KIF5B: variants seen among roughly 807,000 people sequenced by gnomAD.
The protein encoded by KIF5B is kinesin-1 heavy chain.
A neutral mutation model predicts 132.8 loss-of-function variants in KIF5B; 49 were observed. That is an observed-to-expected ratio of 0.37 (90% CI 0.29 to 0.47). The LOEUF (loss-of-function observed/expected upper bound fraction) is 0.47. KIF5B is among the 20% of genes least tolerant of loss of function. KIF5B has a pLI of 1.00. For synonymous variants in KIF5B, 355 were observed against 369.4 expected (o/e 0.96, Z 0.45); for missense variants, 780 against 1,144.0 (o/e 0.68, Z 4.59).
chr10:32,018,630 GAATAA>G (rs1841213063), intron 20 of KIF5B, 68 bp from the exon 21 acceptor site: 12 of 1,160,786 alleles, frequency 1.0e-5, no homozygotes, highest in Admixed American at 2.2e-5. Flanking sequence ...CATGAGAGTT[GAATAA>G]AATATTTTGT....
intron 25 of KIF5B, among the ~76,000 whole-genome samples, chr10:32,014,422 G>A (rs1392119922): frequency 6.6e-6 from 1 of 151,886 alleles, no homozygotes; most frequent in African/African-American, 2.4e-5. Flanking sequence ...GGGGTTTGTG[G>A]GGGCAGGGGG....
At position 32,011,044 on chromosome 10, in the gene KIF5B, TG is replaced by T. The variant is rs1245685061; in HGVS notation, c.*492del. On this transcript the variant is annotated 3_prime_UTR_variant, in exon 26 of 26. Transcript: ENST00000302418. ...TTTATGGGCATGTAGTGTTGTTAAG[TG>T]GTAAAATTTAAAGACATTTAACCTA... is the stretch of plus-strand genomic sequence containing the variant. The T allele has an allele frequency of 2.0e-5, 3 of 152,232 alleles. No homozygotes were observed. The highest frequency in any genetic ancestry group is 3.9e-4 in the East Asian group (2 of 5,190). 9.4% of individuals were successfully genotyped at this position (152,232 alleles called of 1,614,324 possible).
intron 17 of KIF5B, among the ~76,000 whole-genome samples, chr10:32,021,928 T>A (rs193175422): frequency 1.6e-3 from 241 of 152,196 alleles, no homozygotes; most frequent in African/African-American, 5.6e-3. Context: ...GTCAAGATAG[T>A]GCCACTGCAC....
intron 23 of KIF5B, 75 bp from the exon 24 acceptor site, chr10:32,017,434 G>T: frequency 1.7e-6 from 2 of 1,158,860 alleles, no homozygotes; most frequent in Non-Finnish European, 2.5e-6. Flanking sequence ...TTTCATAATT[G>T]CTCTTTAGAA....
At chr10:32,013,915 A>G (rs76670295) in intron 25 of KIF5B, among the ~76,000 whole-genome samples, 1,987 of 152,330 alleles carry the variant, frequency 0.013, 41 homozygotes, top group African/African-American at 0.046. Flanking sequence ...AAAACGTTTA[A>G]AATTGCTAGA....
At chr10:32,025,620 C>T (rs547436377) in intron 15 of KIF5B, among the ~76,000 whole-genome samples, 60 of 143,342 alleles carry the variant, frequency 4.2e-4, no homozygotes, top group African/African-American at 1.4e-3. Flanking sequence ...AAGTGATCTG[C>T]CCGCCTCGGC....
At chr10:32,054,294 G>A (rs1300628520) in intron 1 of KIF5B, among the ~76,000 whole-genome samples, 1 of 152,192 alleles carries the variant, frequency 6.6e-6, no homozygotes, top group Admixed American at 6.5e-5. Flanking sequence ...AAAGGAAAAG[G>A]ATTACTGGGC....
Position 32,022,903 on chromosome 10 carries a change from T to G in KIF5B, c.1859A>C (p.Lys620Thr). Residue 620 changes from lysine to threonine, a missense_variant, in exon 16 of 26, where the codon AAA (lysine) becomes ACA (threonine). Around this residue, in one of 9 missense-constraint regions of KIF5B, gnomAD observed 471 missense variants for 569.9 expected, o/e 0.83. Transcript: ENST00000302418. ...CTCCTTTTCATTTTCTTCCATTTTT[T>G]TGTTGCTCTCAGTTTGTGTGCTTTC... The part of the protein sequence containing the change: ...QLESTQTESN[K>T]KMEENEKELA... 3.1e-6 allele frequency: 5 copies of G among 1,613,630 alleles called. No individual in the cohort carries two copies. The highest frequency in any genetic ancestry group is 4.2e-6 in the Non-Finnish European group (5 of 1,179,682).
chr10:32,053,564 A>C (rs1440254587), intron 1 of KIF5B, among the ~76,000 whole-genome samples: 3 of 152,022 alleles, frequency 2.0e-5, no homozygotes, highest in African/African-American at 7.2e-5. Flanking sequence ...TCTCTACTAA[A>C]AATACAAAAA....
chr10:32,028,576 G>C lies in KIF5B; in HGVS notation c.1582-5C>G, dbSNP rs750042199. ...ATCTATACTCGCTAAAGTTGCCTAA[G>C]AGAACCCAAAACAAAAAGTATAGTT... is the stretch of plus-strand genomic sequence containing the variant. On this transcript the variant is annotated splice_polypyrimidine_tract_variant and splice_region_variant and intron_variant, in intron 14 of 25. Transcript: ENST00000302418. The C allele has an allele frequency of 6.2e-7, 1 of 1,603,980 alleles. No individual in the cohort carries two copies. The highest frequency in any genetic ancestry group is 1.7e-5 in the Admixed American group (1 of 57,536).
chr10:32,019,799 GC>G lies in KIF5B; in HGVS notation c.2306+58del, dbSNP rs1319686810. On this transcript the variant is annotated intron_variant, in intron 20 of 25. Transcript: ENST00000302418. Reference sequence around the variant, plus strand: ...TCCACTGGCTATATCCAAAGGTAATGCCTATAATCCTCTAATTTAGCTTTTA... The same window carrying G: ...TCCACTGGCTATATCCAAAGGTAATGCTATAATCCTCTAATTTAGCTTTTA... 3 of 1,159,124 alleles carry G rather than the reference GC, an allele frequency of 2.6e-6. No individual in the cohort carries two copies. The African/African-American group carries it at 4.6e-5, about 18-fold the overall frequency. 71.8% of individuals were successfully genotyped at this position (1,159,124 alleles called of 1,614,324 possible). A position where few individuals can be genotyped will look rare whatever the true frequency, so the allele number is the denominator to read the frequency against.
intron 3 of KIF5B, 145 bp downstream of exon 3, chr10:32,040,239 A>G: frequency 1.5e-6 from 1 of 653,444 alleles, no homozygotes; most frequent in Non-Finnish European, 2.7e-6. Flanking sequence ...TTAGATTCCA[A>G]CAATGATGTT....
chr10:32,055,860 C>T lies in KIF5B; in HGVS notation c.114G>A (p.Thr38=). 1 of 1,612,694 alleles carries T rather than the reference C, an allele frequency of 6.2e-7. No individual in the cohort carries two copies. Among genetic ancestry groups the T allele is most frequent in the Non-Finnish European group, 8.5e-7 (1 of 1,179,804 alleles). Residue 38 remains threonine (T), a synonymous_variant, in exon 1 of 26, where the codon ACG becomes ACA. Coordinates refer to ENST00000302418, the MANE Select transcript of KIF5B (RefSeq NM_004521.3). ...KYIAKFQGED[T]VVIASKPYAF... ...GGGGGTCACTCACCGCGATCACGAC[C>T]GTGTCTTCTCCCTGAAACTTGGCGA...
intron 17 of KIF5B, among the ~76,000 whole-genome samples, chr10:32,021,867 G>A (rs1841268409): frequency 1.3e-5 from 2 of 152,082 alleles, no homozygotes; most frequent in South Asian, 4.1e-4. Flanking sequence ...AGCTACTAGG[G>A]AGGCTGCAGC....
At chr10:32,053,381 G>A (rs527456872) in intron 1 of KIF5B, among the ~76,000 whole-genome samples, 1 of 151,118 alleles carries the variant, frequency 6.6e-6, no homozygotes, top group Admixed American at 6.6e-5. Flanking sequence ...CATTTTTTAA[G>A]GCTATGTTAT....
intron 2 of KIF5B, among the ~76,000 whole-genome samples, chr10:32,045,964 C>T (rs1054349101): frequency 1.3e-5 from 2 of 152,120 alleles, no homozygotes; most frequent in African/African-American, 2.4e-5. Context: ...CCATTAAGCA[C>T]TTTATAAATG....
chr10:32,022,806 G>A (rs912096239), intron 16 of KIF5B, 42 bp downstream of exon 16: 1 of 1,342,192 alleles, frequency 7.5e-7, no homozygotes, highest in Non-Finnish European at 1.0e-6. Flanking sequence ...ATTTCTATGT[G>A]GCTGTTTCAA....
chr10:32,027,831 G>A (rs981523099), intron 15 of KIF5B, among the ~76,000 whole-genome samples: 1 of 151,806 alleles, frequency 6.6e-6, no homozygotes, highest in African/African-American at 2.4e-5. Context: ...TCGAACTCCT[G>A]GGCTCAAGTG....
chr10:32,028,686 G>T, intron 14 of KIF5B, 115 bp from the exon 15 acceptor site: 1 of 860,974 alleles, frequency 1.2e-6, no homozygotes, highest in Non-Finnish European at 1.7e-6. Flanking sequence ...TGTCTTTTCT[G>T]CTTTCATTTT....
Sources: allele counts gnomAD v4.1 joint callset (sites outside exome capture counted in the v4.1 genomes callset), GRCh38; gene constraint gnomAD v4.1.1; regional missense constraint gnomAD v4.1.1; transcripts MANE v1.5; gene names NCBI Gene and HGNC (gene_info 2026-07-23, HGNC 2026-07-21).